Variants in CNIH3 observed in about 807,000 individuals in gnomAD.
CNIH3 encodes the protein protein cornichon homolog 3.
Under a neutral mutation model 24.1 loss-of-function variants are expected in CNIH3, and 14 were observed. The ratio of observed to expected loss-of-function variants is 0.58; its 90% CI spans 0.38 to 0.91. CNIH3 has a LOEUF of 0.91. Ranked by LOEUF, CNIH3 falls within the 40% of genes least tolerant of loss-of-function variation. CNIH3 has a pLI of 0.00. For synonymous variants in CNIH3, 68 were observed against 73.8 expected (o/e 0.92, Z 0.40); for missense variants, 178 against 196.8 (o/e 0.90, Z 0.57).
At chr1:224,690,153 C>T (rs1686860604) in intron 3 of CNIH3, among the ~76,000 whole-genome samples, 1 of 152,204 alleles carries the variant, frequency 6.6e-6, no homozygotes. Flanking sequence ...AACTTTGGGA[C>T]TGGTTGTGAA....
intron 1 of CNIH3, among the ~76,000 whole-genome samples, chr1:224,674,690 G>T (rs1197756324): frequency 1.3e-5 from 2 of 152,042 alleles, no homozygotes; most frequent in Non-Finnish European, 2.9e-5. Flanking sequence ...CTAGTGGTGG[G>T]TAGGGATAGG....
At chr1:224,587,891 T>G (rs940213341) in intron 5 of CNIH3, among the ~76,000 whole-genome samples, 1 of 151,794 alleles carries the variant, frequency 6.6e-6, no homozygotes, top group Non-Finnish European at 1.5e-5. Context: ...TAGTGAGCTG[T>G]GATTGCACCA....
At chr1:224,617,293 A>G (rs749706731) in intron 1 of CNIH3, 38 bp downstream of exon 1, 10 of 1,597,910 alleles carry the variant, frequency 6.3e-6, no homozygotes, top group Admixed American at 5.3e-5. Context: ...TTTCGCCCCA[A>G]TTTCGCTAAA....
chr1:224,578,567 A>G (rs571051073), intron 4 of CNIH3, among the ~76,000 whole-genome samples: 7 of 152,180 alleles, frequency 4.6e-5, no homozygotes, highest in Admixed American at 4.6e-4. Flanking sequence ...GGTGACTGGT[A>G]CTATTATTTG....
chr1:224,602,448 T>C (rs1186841670), intron 3 of CNIH3, among the ~76,000 whole-genome samples: 1 of 152,240 alleles, frequency 6.6e-6, no homozygotes, highest in Non-Finnish European at 1.5e-5. Flanking sequence ...ATCTTTTGAT[T>C]GTTTTTGTCA....
intron 3 of CNIH3, among the ~76,000 whole-genome samples, chr1:224,725,392 A>G (rs1312453977): frequency 6.6e-6 from 1 of 152,162 alleles, no homozygotes; most frequent in Non-Finnish European, 1.5e-5. Context: ...TGCTTTTCTA[A>G]ATAGCACACA....
intron 1 of CNIH3, among the ~76,000 whole-genome samples, chr1:224,448,583 C>T (rs1675257816): frequency 6.6e-6 from 1 of 152,140 alleles, no homozygotes; most frequent in African/African-American, 2.4e-5. Flanking sequence ...GTGACAGGCA[C>T]ATCTATATTT....
intron 1 of CNIH3, among the ~76,000 whole-genome samples, chr1:224,636,052 A>G (rs748442576): frequency 2.0e-5 from 3 of 152,194 alleles, no homozygotes; most frequent in Non-Finnish European, 1.5e-5. Context: ...GAAAACAAAA[A>G]TCAACAATAC....
chr1:224,507,908 G>T (rs1677984458), intron 1 of CNIH3, among the ~76,000 whole-genome samples: 1 of 152,188 alleles, frequency 6.6e-6, no homozygotes, highest in South Asian at 2.1e-4. Context: ...CCATATACAG[G>T]TTTGATACCT....
At chr1:224,454,367 A>C in intron 1 of CNIH3, 1 of 924,032 alleles carries the variant, frequency 1.1e-6, no homozygotes, top group Non-Finnish European at 1.3e-6. Flanking sequence ...TAATTCAACT[A>C]TATTGTGTTG....
intron 1 of CNIH3, among the ~76,000 whole-genome samples, chr1:224,652,240 G>A (rs184992605): frequency 3.7e-4 from 56 of 152,160 alleles, no homozygotes; most frequent in Admixed American, 3.6e-3. Context: ...ATGACCAGAT[G>A]GGAGCAAGCA....
intron 3 of CNIH3, among the ~76,000 whole-genome samples, chr1:224,607,203 G>GT (rs1016398225): frequency 1.8e-4 from 28 of 152,290 alleles, no homozygotes; most frequent in African/African-American, 6.5e-4. Context: ...CTTTCCAATG[G>GT]TAAGTGCTGT....
At chr1:224,644,453 A>T (rs1684504422) in intron 1 of CNIH3, among the ~76,000 whole-genome samples, 1 of 152,150 alleles carries the variant, frequency 6.6e-6, no homozygotes. Flanking sequence ...ACTACAGGAT[A>T]TCGGGGAGTG....
intron 1 of CNIH3, among the ~76,000 whole-genome samples, chr1:224,493,131 G>T (rs1469068570): frequency 6.6e-6 from 1 of 152,152 alleles, no homozygotes; most frequent in East Asian, 1.9e-4. Flanking sequence ...TTTAAGCCTA[G>T]AAACAAAATT....
Position 224,617,189 on chromosome 1 carries a change from C to T in CNIH3, c.15C>T (p.Phe5=). The T allele has an allele frequency of 6.2e-7, 1 of 1,614,154 alleles. No homozygotes were observed. Residue 5 remains phenylalanine, a synonymous_variant, in exon 1 of 6, where the codon TTC becomes TTT. Coordinates refer to ENST00000272133, the MANE Select transcript of CNIH3 (RefSeq NM_152495.2). ...GTCCGCCGGCCATGGCCTTCACTTT[C>T]GCTGCGTTCTGCTACATGCTGTCTC... MAFT[F]AAFCYMLSLV...
chr1:224,484,226 C>T (rs186244415), intron 1 of CNIH3, among the ~76,000 whole-genome samples: 47 of 149,044 alleles, frequency 3.2e-4, no homozygotes, highest in Admixed American at 1.1e-3. Context: ...GTCAGGAGAT[C>T]GAAACCATCC....
chr1:224,502,875 G>A (rs955142398), intron 1 of CNIH3, among the ~76,000 whole-genome samples: 91 of 152,314 alleles, frequency 6.0e-4, no homozygotes, highest in African/African-American at 2.2e-3. Flanking sequence ...GACATAAAAG[G>A]TGGAGGGAAG....
At chr1:224,631,201 C>G (rs1182186682) in intron 1 of CNIH3, among the ~76,000 whole-genome samples, 1 of 152,116 alleles carries the variant, frequency 6.6e-6, no homozygotes, top group African/African-American at 2.4e-5. Context: ...GGTGCATGCT[C>G]AGGACATGGG....
intron 4 of CNIH3, among the ~76,000 whole-genome samples, chr1:224,566,975 C>A (rs1451748070): frequency 6.6e-6 from 1 of 152,190 alleles, no homozygotes; most frequent in Non-Finnish European, 1.5e-5. Context: ...ACTAATTACA[C>A]TCCCACCAAC....
Sources: gnomAD v4.1 joint callset for allele counts (sites outside exome capture counted in the v4.1 genomes callset) on GRCh38, gnomAD v4.1.1 for gene constraint, MANE v1.5 for transcripts, NCBI Gene and HGNC (gene_info 2026-07-23, HGNC 2026-07-21) for gene names.